The following FOXP1 variants were observed in gnomAD, a reference collection of about 807,000 sequenced individuals.
FOXP1 encodes the protein forkhead box P1, also known as forkhead box protein P1.
FOXP1 carries 15 observed loss-of-function variants against 98.2 expected under a neutral mutation model. The ratio of observed to expected loss-of-function variants is 0.15; its 90% CI spans 0.10 to 0.24. The LOEUF (loss-of-function observed/expected upper bound fraction) is 0.24, where lower values mean the gene tolerates loss of function less well. FOXP1 is among the 10% of genes least tolerant of loss of function. The probability of loss-of-function intolerance (pLI) is 1.00; values close to 1 mark genes in which losing one functional copy is unlikely to be tolerated. For missense variants in FOXP1, 633 were observed against 848.5 expected, an observed-to-expected ratio of 0.75 and a Z score of 3.15; for synonymous variants, 371 against 314.5, an observed-to-expected ratio of 1.18 and a Z score of -1.90.
At position 70,956,761 on chromosome 3, in the gene FOXP1, T is replaced by TTA. The variant is rs2031927883; in HGVS notation, c.*2485_*2486insTA. The TTA allele has an allele frequency of 5.2e-6, 1 of 192,128 alleles. No individual in the cohort carries two copies. The highest frequency in any genetic ancestry group is 2.9e-5 in the African/African-American group (1 of 34,042). 11.9% of individuals were successfully genotyped at this position (192,128 alleles called of 1,614,324 possible). On this transcript the variant is annotated 3_prime_UTR_variant, in exon 21 of 21. Transcript: ENST00000649528. ...TTTTTTTTTTTTTTTTTTTTTTTTT[T>TTA]TTTTTTTTTTTTAAAGTCTTGCGTG...
At chr3:71,429,152 C>G (rs975781725) in intron 3 of FOXP1, among the ~76,000 whole-genome samples, 1 of 152,072 alleles carries the variant, frequency 6.6e-6, no homozygotes, top group Non-Finnish European at 1.5e-5. Flanking sequence ...TCATGCTCTG[C>G]ATGGCCCATG....
At chr3:71,023,027 A>G (rs543485188) in intron 11 of FOXP1, among the ~76,000 whole-genome samples, 6 of 152,174 alleles carry the variant, frequency 3.9e-5, no homozygotes, top group Non-Finnish European at 7.4e-5. Context: ...ACCAAAAGGC[A>G]CTATGCATCC....
chr3:71,031,988 C>T (rs1404707059), intron 11 of FOXP1, among the ~76,000 whole-genome samples: 1 of 152,214 alleles, frequency 6.6e-6, no homozygotes, highest in Non-Finnish European at 1.5e-5. Flanking sequence ...AGGAAGCCAG[C>T]AAGGCTATTT....
At chr3:71,071,839 G>T (rs2053269974) in intron 7 of FOXP1, among the ~76,000 whole-genome samples, 1 of 152,058 alleles carries the variant, frequency 6.6e-6, no homozygotes, top group African/African-American at 2.4e-5. Flanking sequence ...GCCTCCCAAG[G>T]TGCTGGGATT....
intron 4 of FOXP1, among the ~76,000 whole-genome samples, chr3:71,342,687 T>TAA (rs35486757): frequency 0.48 from 69,742 of 145,602 alleles, 17,113 homozygotes; most frequent in East Asian, 0.73. Flanking sequence ...AGACTCCGTC[T>TAA]AAAAAAAAAA....
chr3:71,554,482 CTTCAACAGAATGAAA>C (rs1435558807), intron 2 of FOXP1, among the ~76,000 whole-genome samples: 1 of 151,908 alleles, frequency 6.6e-6, no homozygotes, highest in African/African-American at 2.4e-5. Flanking sequence ...GATGCTTTAC[CTTCAACAGAATGAAA>C]TTCTGTTGAC....
intron 3 of FOXP1, among the ~76,000 whole-genome samples, chr3:71,420,350 C>A (rs1196406527): frequency 1.3e-5 from 2 of 152,022 alleles, no homozygotes; most frequent in African/African-American, 4.8e-5. Flanking sequence ...GGTGATGAGA[C>A]TAATATTAGG....
chr3:71,580,051 C>G (rs2107877459), intron 2 of FOXP1, among the ~76,000 whole-genome samples: 1 of 152,036 alleles, frequency 6.6e-6, no homozygotes, highest in South Asian at 2.1e-4. Context: ...ATCGAATAGT[C>G]CAGGGTTCTC....
At chr3:71,235,602 T>C (rs1011049526) in intron 5 of FOXP1, among the ~76,000 whole-genome samples, 5 of 152,174 alleles carry the variant, frequency 3.3e-5, no homozygotes, top group Admixed American at 1.3e-4. Flanking sequence ...AGTCTCACTC[T>C]GTTGCCCAGG....
intron 4 of FOXP1, among the ~76,000 whole-genome samples, chr3:71,341,339 A>G (rs1456586139): frequency 6.6e-6 from 1 of 152,256 alleles, no homozygotes; most frequent in Non-Finnish European, 1.5e-5. Flanking sequence ...ATTAAACTAT[A>G]CACTCCTATA....
At chr3:71,301,920 G>A (rs1306913688) in intron 4 of FOXP1, among the ~76,000 whole-genome samples, 1 of 152,050 alleles carries the variant, frequency 6.6e-6, no homozygotes, top group Non-Finnish European at 1.5e-5. Flanking sequence ...TTCCCCTAGG[G>A]ATACTGGGGA....
chr3:71,341,403 G>A lies in FOXP1; in HGVS notation c.-73+17747C>T, dbSNP rs575916439. ...ATACTTTGAGATGAATGAAAATGAAGACATACTAAAACTTATGAGGTACAG... is the reference window on the plus strand; with the variant it reads ...ATACTTTGAGATGAATGAAAATGAAAACATACTAAAACTTATGAGGTACAG... On this transcript the variant is annotated intron_variant, in intron 4 of 20. Transcript: ENST00000649528. 2.0e-5 allele frequency among the ~76,000 whole-genome samples: 3 copies of A among 152,288 alleles called. No individual in the cohort carries two copies. The South Asian group carries it at 6.2e-4, about 32-fold the overall frequency.
chr3:71,096,858 T>C (rs181917817), intron 7 of FOXP1, among the ~76,000 whole-genome samples: 24 of 152,312 alleles, frequency 1.6e-4, no homozygotes, highest in African/African-American at 5.1e-4. Flanking sequence ...GCCATTTTCC[T>C]GAATCTCAAA....
chr3:71,192,910 A>C (rs1358376647), intron 6 of FOXP1, among the ~76,000 whole-genome samples: 1 of 152,142 alleles, frequency 6.6e-6, no homozygotes, highest in African/African-American at 2.4e-5. Flanking sequence ...TTGCCCTCCC[A>C]AAATGGTGGG....
At chr3:71,210,464 C>A (rs1319997659) in intron 5 of FOXP1, among the ~76,000 whole-genome samples, 1 of 152,114 alleles carries the variant, frequency 6.6e-6, no homozygotes, top group Non-Finnish European at 1.5e-5. Context: ...GGTAGGAGGC[C>A]ATTTTTCAGG....
intron 6 of FOXP1, among the ~76,000 whole-genome samples, chr3:71,140,940 T>C (rs972471908): frequency 1.3e-5 from 2 of 151,362 alleles, no homozygotes; most frequent in African/African-American, 2.4e-5. Context: ...ATAGTAAGAC[T>C]TGGTCTCCAA....
In FOXP1 at chr3:70,956,742, T is replaced by TG. The variant is rs1400319841; in HGVS notation, c.*2504_*2505insC. On this transcript the variant is annotated 3_prime_UTR_variant, in exon 21 of 21. Transcript: ENST00000649528. ...AAGCTGCCTGGAAAAGTTTTTTTTT[T>TG]TTTTTTTTTTTTTTTTTTTTTTTTT... 5.8e-5 allele frequency: 9 copies of TG among 154,786 alleles called. No individual in the cohort carries two copies. The highest frequency in any genetic ancestry group is 4.2e-4 in the African/African-American group (9 of 21,558). The allele number at this position is 154,786 out of a possible 1,614,324, so 9.6% of individuals were successfully genotyped here. A position where few individuals can be genotyped will look rare whatever the true frequency, so the allele number is the denominator to read the frequency against.
At chr3:71,405,160 G>A (rs1272874931) in intron 3 of FOXP1, among the ~76,000 whole-genome samples, 2 of 152,190 alleles carry the variant, frequency 1.3e-5, no homozygotes, top group Non-Finnish European at 2.9e-5. Flanking sequence ...AACTCACAGT[G>A]AGCCTTGGGT....
intron 6 of FOXP1, among the ~76,000 whole-genome samples, chr3:71,126,749 G>A (rs535197965): frequency 3.6e-4 from 54 of 151,450 alleles, no homozygotes; most frequent in Non-Finnish European, 6.9e-4. Flanking sequence ...CCTTGAACCC[G>A]TGAGATGGAG....
Sources: allele counts gnomAD v4.1 joint callset (sites outside exome capture counted in the v4.1 genomes callset), GRCh38; gene constraint gnomAD v4.1.1; transcripts MANE v1.5; gene names NCBI Gene and HGNC (gene_info 2026-07-23, HGNC 2026-07-21).